Variants in STX4 observed in about 807,000 individuals in gnomAD.
The protein encoded by STX4 is syntaxin 4.
In STX4, 24 loss-of-function variants were observed where a neutral mutation model predicts 41.8. That is an observed-to-expected ratio of 0.57 (90% CI 0.42 to 0.81). The LOEUF (loss-of-function observed/expected upper bound fraction) is 0.81. Among genes scored for constraint, STX4 ranks in the 30% least tolerant of loss-of-function variants. STX4 has a pLI of 0.00. For synonymous variants in STX4, 158 were observed against 156.4 expected (o/e 1.01, Z -0.08); for missense variants, 316 against 389.9 (o/e 0.81, Z 1.60).
Position 31,038,559 on chromosome 16 carries a change from C to T in STX4, c.614C>T (p.Ala205Val). 2 of 1,614,108 alleles carry T rather than the reference C, an allele frequency of 1.2e-6. No individual in the cohort carries two copies. The highest frequency in any genetic ancestry group is 1.7e-6 in the Non-Finnish European group (2 of 1,180,022). Residue 205 changes from alanine to valine, a missense_variant, in exon 8 of 11, where the codon GCC becomes GTC. Physicochemically the swap from Ala to Val is moderately conservative, Grantham distance 64. Transcript: ENST00000313843. Reference protein sequence around the residue: ...VTRQALNEISARHSEIQQLER... With the variant: ...VTRQALNEISVRHSEIQQLER... ...CGACAGGCCTTAAATGAGATCTCGG[C>T]CCGGCACAGTGAGATCCAGCAGCTT...
chr16:31,034,481 G>A lies in STX4; in HGVS notation c.252G>A (p.Gln84=), dbSNP rs369777548. ...ATTCAGGCATGAAGCAGGAGCTGCA[G>A]AACCTGCGCGATGAGATCAAACAGC... is the stretch of plus-strand genomic sequence containing the variant. The part of the protein sequence containing the change: ...LPEESMKQEL[Q]NLRDEIKQLG... The change falls in exon 4 of 11, where the codon CAG becomes CAA. Residue 84 remains glutamine (Q), a synonymous_variant. Transcript: ENST00000313843. The A allele has an allele frequency of 3.1e-6, 5 of 1,604,760 alleles. No homozygotes were observed. The highest frequency in any genetic ancestry group is 4.3e-6 in the Non-Finnish European group (5 of 1,174,062).
At position 31,038,480 on chromosome 16, in the gene STX4, A is replaced by G. The variant is rs764460451; in HGVS notation, c.565-30A>G. 12 of 1,612,920 alleles carry G rather than the reference A, an allele frequency of 7.4e-6. No individual in the cohort carries two copies. The African/African-American group carries it at 1.5e-4, about 20-fold the overall frequency. On this transcript the variant is annotated intron_variant, in intron 7 of 10. Coordinates refer to ENST00000313843, the MANE Select transcript of STX4 (RefSeq NM_004604.5). ...TGACCTGCTGTCGGTCTCCCTGTGA[A>G]CAGTTGCCCCACTCCTGTCCACCCC... is the stretch of plus-strand genomic sequence containing the variant.
At position 31,038,606 on chromosome 16, in the gene STX4, C is replaced by G. The variant is rs2143727346; in HGVS notation, c.661C>G (p.His221Asp). Residue 221 changes from histidine to aspartate, a missense_variant, in exon 8 of 11, where the codon CAC (histidine) becomes GAC (aspartate). Physicochemically the swap from His to Asp is moderately conservative, Grantham distance 81. Coordinates refer to ENST00000313843, the MANE Select transcript of STX4 (RefSeq NM_004604.5). ...GCTTGAACGCAGTATTCGTGAGCTG[C>G]ACGACATATTCACTTTTCTGGCTAC... is the stretch of plus-strand genomic sequence containing the variant. Reference protein sequence around the residue: ...QQLERSIRELHDIFTFLATEV... With the variant: ...QQLERSIRELDDIFTFLATEV... 6.2e-7 allele frequency: 1 copy of G among 1,614,146 alleles called. No homozygotes were observed. The highest frequency in any genetic ancestry group is 8.5e-7 in the Non-Finnish European group (1 of 1,180,026).
chr16:31,037,671 TAATAAATA>T lies in STX4; in HGVS notation c.379-220_379-213del, dbSNP rs201361011. On this transcript the variant is annotated intron_variant, in intron 5 of 10. Transcript: ENST00000313843. ...GTGAAACTCTGTCTCAAAAAACAAA[TAATAAATA>T]AATAAATAAATAAATAAATAAATAA... Among the ~76,000 whole-genome samples the T allele has an allele frequency of 4.3e-3, 620 of 143,578 alleles. 5 individuals are homozygous for T. The highest frequency in any genetic ancestry group is 0.012 in the African/African-American group (473 of 39,022). The allele number at this position is 143,578 out of a possible 152,430, so 94.2% of individuals were successfully genotyped here.
At chr16:31,035,183 G>C in intron 5 of STX4, 143 bp downstream of exon 5, 1 of 611,016 alleles carries the variant, frequency 1.6e-6, no homozygotes, top group Non-Finnish European at 2.7e-6. Context: ...AGCTCAGAGA[G>C]AGAAAGAACT....
At chr16:31,035,970 G>A (rs1180710808) in intron 5 of STX4, among the ~76,000 whole-genome samples, 2 of 151,952 alleles carry the variant, frequency 1.3e-5, no homozygotes, top group African/African-American at 2.4e-5. Context: ...GTAGAAATGA[G>A]GTTTCACCTT....
Position 31,034,217 on chromosome 16 carries a change from C to T in STX4, c.133-9C>T, listed in dbSNP as rs752547624. 5.0e-6 allele frequency: 8 copies of T among 1,613,978 alleles called. No homozygotes were observed. Among genetic ancestry groups the T allele is most frequent in the African/African-American group, 1.3e-5 (1 of 74,904 alleles). On this transcript the variant is annotated splice_polypyrimidine_tract_variant and intron_variant, in intron 2 of 10. Transcript: ENST00000313843. Reference sequence around the variant, plus strand: ...TATCTCTTTCAGCCCTCTCGGTCACCCTCCCCAGGTCCGGACAATTCGGCA... The same window carrying T: ...TATCTCTTTCAGCCCTCTCGGTCACTCTCCCCAGGTCCGGACAATTCGGCA...
intron 4 of STX4, 92 bp from the exon 5 acceptor site, chr16:31,034,878 G>T: frequency 8.5e-7 from 1 of 1,182,910 alleles, no homozygotes; most frequent in South Asian, 1.6e-5. Context: ...TCTCCTCTTA[G>T]AGGCTCAGCC....
chr16:31,037,237 T>C (rs911363538), intron 5 of STX4, among the ~76,000 whole-genome samples: 2 of 151,376 alleles, frequency 1.3e-5, no homozygotes, highest in African/African-American at 2.4e-5. Flanking sequence ...CTAATTTCTG[T>C]ACTTTTAGTA....
In STX4 at chr16:31,035,045, GT is replaced by G. The variant is rs752148594; in HGVS notation, c.378+13del. 14 of 1,596,982 alleles carry G rather than the reference GT, an allele frequency of 8.8e-6. No individual in the cohort carries two copies. The highest frequency in any genetic ancestry group is 3.6e-5 in the Admixed American group (2 of 55,324). On this transcript the variant is annotated splice_donor_region_variant and intron_variant, in intron 5 of 10. Transcript: ENST00000313843. The stretch of plus-strand genomic sequence containing the variant: ...ACAAGAATGAGAAAAACCCAGGTGG[GT>G]TTTTTTTCTCAGAAATGAGGACATT...
Position 31,033,970 on chromosome 16 carries a change from AGC to A in STX4, c.31-42_31-41del. On this transcript the variant is annotated intron_variant, in intron 1 of 10. Transcript: ENST00000313843. This position sits in a 1 kb window ranked among gnomAD's most constrained non-coding sequence, Gnocchi z 5.5. ...AAGCCTGTGGGTCCTGCGGGGTAAG[AGC>A]CGCAGCGAAACGGTGGTGCCAATGA... 6.6e-7 allele frequency: 1 copy of A among 1,522,422 alleles called. No individual in the cohort carries two copies. Among genetic ancestry groups the A allele is most frequent in the Non-Finnish European group, 8.8e-7 (1 of 1,131,536 alleles). 94.3% of individuals were successfully genotyped at this position (1,522,422 alleles called of 1,614,324 possible).
At chr16:31,038,069 C>G in intron 6 of STX4, 35 bp downstream of exon 6, 1 of 1,614,054 alleles carries the variant, frequency 6.2e-7, no homozygotes, top group Admixed American at 1.7e-5. Context: ...CCCGCAGGGG[C>G]AGGTAATCCC....
At chr16:31,034,930 T>C (rs1175661282) in intron 4 of STX4, 40 bp from the exon 5 acceptor site, 1 of 1,490,340 alleles carries the variant, frequency 6.7e-7, no homozygotes, top group Non-Finnish European at 9.0e-7. Context: ...AAAAATCCTA[T>C]GGAGACAAGT....
At chr16:31,037,585 G>A (rs1393948234) in intron 5 of STX4, among the ~76,000 whole-genome samples, 4 of 151,288 alleles carry the variant, frequency 2.6e-5, no homozygotes, top group Admixed American at 6.6e-5. Context: ...GCTTGAACCC[G>A]GGAGGCCAAG....
chr16:31,038,396 C>T (rs1016809488), intron 7 of STX4, 114 bp from the exon 8 acceptor site: 2 of 1,469,416 alleles, frequency 1.4e-6, no homozygotes, highest in Non-Finnish European at 1.9e-6. Context: ...AATTAGCCTG[C>T]CTGGAGTCAC....
chr16:31,039,919 G>C lies in STX4; in HGVS notation c.*23G>C. The C allele has an allele frequency of 1.6e-6, 2 of 1,241,714 alleles. No homozygotes were observed. Among genetic ancestry groups the C allele is most frequent in the Non-Finnish European group, 2.3e-6 (2 of 864,416 alleles). 76.9% of individuals were successfully genotyped at this position (1,241,714 alleles called of 1,614,324 possible). A position where few individuals can be genotyped will look rare whatever the true frequency, so the allele number is the denominator to read the frequency against. ...TCCCTCCTTTCCTTACAGGCACTAG[G>C]AGCACCAGGAACCCAGGGCCTGGCC... On this transcript the variant is annotated 3_prime_UTR_variant, in exon 11 of 11. Coordinates refer to ENST00000313843, the MANE Select transcript of STX4 (RefSeq NM_004604.5). The surrounding 1 kb of genome is among the most constrained non-coding windows in gnomAD (Gnocchi z 4.1).
At chr16:31,037,360 G>A (rs935619267) in intron 5 of STX4, among the ~76,000 whole-genome samples, 7 of 150,710 alleles carry the variant, frequency 4.6e-5, no homozygotes, top group East Asian at 4.1e-4. Context: ...CACCGTGCCC[G>A]GCCAACCCTG....
Position 31,040,123 on chromosome 16 carries a change from C to T in STX4, c.*227C>T. On this transcript the variant is annotated 3_prime_UTR_variant, in exon 11 of 11. Coordinates refer to ENST00000313843, the MANE Select transcript of STX4 (RefSeq NM_004604.5). The stretch of plus-strand genomic sequence containing the variant: ...CCTGCACTGTCCTGATTGGCCGGGA[C>T]ACACGGTTTTGTAAAAAATTAAAAA... 2.7e-6 allele frequency: 1 copy of T among 364,098 alleles called. No homozygotes were observed. The highest frequency in any genetic ancestry group is 5.0e-6 in the Non-Finnish European group (1 of 199,708). 22.6% of individuals were successfully genotyped at this position (364,098 alleles called of 1,614,324 possible). A position where few individuals can be genotyped will look rare whatever the true frequency, so the allele number is the denominator to read the frequency against.
In STX4 at chr16:31,039,595, G is replaced by C. The variant is rs2056828437; in HGVS notation, c.757G>C (p.Glu253Gln). 1 of 1,614,056 alleles carries C rather than the reference G, an allele frequency of 6.2e-7. No individual in the cohort carries two copies. Among genetic ancestry groups the C allele is most frequent in the Non-Finnish European group, 8.5e-7 (1 of 1,180,044 alleles). The change falls in exon 9 of 11, where the codon GAA becomes CAA. Residue 253 changes from glutamate (E) to glutamine (Q), a missense_variant. Transcript: ENST00000313843. This position sits in a 1 kb window ranked among gnomAD's most constrained non-coding sequence, Gnocchi z 4.1. ...CATCCTGAGCTCAGCGGACTACGTGGAACGTGGGCAGGAGCACGTCAAGAC... is the reference window on the plus strand; with the variant it reads ...CATCCTGAGCTCAGCGGACTACGTGCAACGTGGGCAGGAGCACGTCAAGAC... ...KNILSSADYV[E>Q]RGQEHVKTAL...
Sources: allele counts gnomAD v4.1 joint callset (sites outside exome capture counted in the v4.1 genomes callset), GRCh38; gene constraint gnomAD v4.1.1; non-coding constraint Gnocchi (gnomAD v3.1); transcripts MANE v1.5; gene names NCBI Gene and HGNC (gene_info 2026-07-23, HGNC 2026-07-21).